The following PRKCA variants were observed in gnomAD, a reference collection of about 807,000 sequenced individuals.
PRKCA encodes the protein protein kinase C alpha, also known as protein kinase C alpha type.
In PRKCA, 27 loss-of-function variants were observed where a neutral mutation model predicts 87.0. That is an observed-to-expected ratio of 0.31 (90% CI 0.23 to 0.43). PRKCA has a LOEUF of 0.43. PRKCA is among the 20% of genes least tolerant of loss of function. The pLI is 1.00. For synonymous variants in PRKCA, 329 were observed against 311.1 expected (o/e 1.06, Z -0.61); for missense variants, 518 against 852.3 (o/e 0.61, Z 4.88).
chr17:66,767,358 C>A (rs779667656), intron 13 of PRKCA, among the ~76,000 whole-genome samples: 2 of 152,080 alleles, frequency 1.3e-5, no homozygotes, highest in Admixed American at 1.3e-4. Context: ...ACTGCTGGTA[C>A]GGAGTGAAGA....
intron 2 of PRKCA, among the ~76,000 whole-genome samples, chr17:66,374,736 T>TG (rs961564097): frequency 3.4e-5 from 5 of 148,322 alleles, no homozygotes; most frequent in African/African-American, 1.2e-4. Context: ...TTTTTTTTTT[T>TG]TTTCTTTCTG....
At chr17:66,773,891 A>G in intron 13 of PRKCA, 96 bp from the exon 14 acceptor site, 1 of 1,572,066 alleles carries the variant, frequency 6.4e-7, no homozygotes, top group Non-Finnish European at 8.7e-7. Context: ...ATCTGCATGA[A>G]CTGAGTGTAT....
chr17:66,429,837 G>C (rs1913010022), intron 2 of PRKCA, among the ~76,000 whole-genome samples: 2 of 152,130 alleles, frequency 1.3e-5, no homozygotes, highest in Admixed American at 1.3e-4. Flanking sequence ...AGGAATGCTG[G>C]GAGTGGTGGT....
chr17:66,437,366 A>G (rs1913451781), intron 2 of PRKCA, among the ~76,000 whole-genome samples: 1 of 152,204 alleles, frequency 6.6e-6, no homozygotes, highest in Admixed American at 6.5e-5. Context: ...GATGCTTCTC[A>G]AACCTTAAGA....
At chr17:66,730,046 C>G (rs775734673) in intron 8 of PRKCA, among the ~76,000 whole-genome samples, 3 of 152,200 alleles carry the variant, frequency 2.0e-5, no homozygotes, top group Non-Finnish European at 4.4e-5. Flanking sequence ...CCACCTCACC[C>G]TCCCAAAGTG....
At chr17:66,796,756 A>G in intron 16 of PRKCA, 4 of 985,388 alleles carry the variant, frequency 4.1e-6, no homozygotes, top group Non-Finnish European at 4.8e-6. Flanking sequence ...ACGCTGTGCA[A>G]CCACAAGTCA....
chr17:66,613,856 C>G (rs1441755250), intron 3 of PRKCA, among the ~76,000 whole-genome samples: 2 of 129,550 alleles, frequency 1.5e-5, no homozygotes, highest in Admixed American at 2.0e-4. Context: ...GATCTCTGCT[C>G]ACTGTAACCT....
intron 2 of PRKCA, among the ~76,000 whole-genome samples, chr17:66,482,098 CAAAAAA>C (rs58719328): frequency 1.7e-4 from 15 of 89,346 alleles, no homozygotes; most frequent in Admixed American, 5.7e-4. Context: ...AAGACTGTCT[CAAAAAA>C]AAAAAAAAAA....
intron 3 of PRKCA, among the ~76,000 whole-genome samples, chr17:66,534,045 C>T (rs1311488361): frequency 1.3e-5 from 2 of 152,054 alleles, no homozygotes; most frequent in African/African-American, 4.8e-5. Context: ...AAGAACATGA[C>T]CTTTTCTGGA....
chr17:66,738,922 T>TG (rs937608621), intron 11 of PRKCA, 67 bp downstream of exon 11: 41 of 1,328,982 alleles, frequency 3.1e-5, no homozygotes, highest in Middle Eastern at 3.6e-4. Context: ...ACTTCCTTTT[T>TG]TCCCCCCCGC....
At chr17:66,623,782 C>T (rs1157870792) in intron 3 of PRKCA, among the ~76,000 whole-genome samples, 1 of 151,932 alleles carries the variant, frequency 6.6e-6, no homozygotes, top group African/African-American at 2.4e-5. Context: ...TCAAGGAAAA[C>T]CTGGAGGAGT....
intron 8 of PRKCA, among the ~76,000 whole-genome samples, chr17:66,692,065 A>AT (rs1418799600): frequency 6.6e-6 from 1 of 152,194 alleles, no homozygotes; most frequent in Non-Finnish European, 1.5e-5. Flanking sequence ...GCTGCTTACT[A>AT]TTCCTCCTCC....
chr17:66,519,801 G>C (rs533819187), intron 3 of PRKCA, among the ~76,000 whole-genome samples: 1 of 152,274 alleles, frequency 6.6e-6, no homozygotes, highest in Admixed American at 6.5e-5. Flanking sequence ...GCTGGGGCCT[G>C]GCATTCTGCA....
At chr17:66,754,826 T>C (rs1366684923) in intron 13 of PRKCA, among the ~76,000 whole-genome samples, 2 of 152,096 alleles carry the variant, frequency 1.3e-5, no homozygotes, top group Non-Finnish European at 2.9e-5. Context: ...TAAGTCAAAC[T>C]TGGCCTTCCA....
intron 3 of PRKCA, among the ~76,000 whole-genome samples, chr17:66,520,090 A>T (rs1402470336): frequency 6.7e-6 from 1 of 150,024 alleles, no homozygotes; most frequent in Admixed American, 6.6e-5. Flanking sequence ...ATCATAGCTC[A>T]TTATAGCCTC....
At chr17:66,306,029 C>T in intron 1 of PRKCA, 67 bp from the exon 2 acceptor site, 1 of 1,478,598 alleles carries the variant, frequency 6.8e-7, no homozygotes, top group South Asian at 1.1e-5. Context: ...GGTCACATAA[C>T]TTGTTTAAAA....
At chr17:66,555,070 G>A (rs764405281) in intron 3 of PRKCA, among the ~76,000 whole-genome samples, 1 of 151,988 alleles carries the variant, frequency 6.6e-6, no homozygotes, top group Non-Finnish European at 1.5e-5. Context: ...TAGAGATGGG[G>A]TTTCACCCTG....
intron 3 of PRKCA, among the ~76,000 whole-genome samples, chr17:66,568,682 C>G (rs963948241): frequency 3.3e-5 from 5 of 152,094 alleles, no homozygotes; most frequent in African/African-American, 1.2e-4. Context: ...ACATTATAAT[C>G]ATTTAATTTT....
chr17:66,788,706 T>G, intron 15 of PRKCA, 133 bp from the exon 16 acceptor site: 2 of 1,053,950 alleles, frequency 1.9e-6, no homozygotes, highest in Non-Finnish European at 2.7e-6. Flanking sequence ...ACTGAGTGTC[T>G]TGGTCAGCTC....
Sources: allele counts gnomAD v4.1 joint callset (sites outside exome capture counted in the v4.1 genomes callset), GRCh38; gene constraint gnomAD v4.1.1; transcripts MANE v1.5; gene names NCBI Gene and HGNC (gene_info 2026-07-23, HGNC 2026-07-21).